The following PROZ variants were observed in gnomAD, a reference collection of about 807,000 sequenced individuals.
PROZ encodes the protein vitamin K-dependent protein Z.
In PROZ, 46 loss-of-function variants were observed where a neutral mutation model predicts 34.9. The observed-to-expected ratio is 1.32, with a 90% CI of 1.04 to 1.69. The LOEUF is 1.69. Ranked by LOEUF, PROZ falls within the 40% of genes most tolerant of loss-of-function variation. The pLI, the probability that PROZ is intolerant of heterozygous loss-of-function variation, is 0.00. For missense variants in PROZ, 530 were observed against 520.4 expected (o/e 1.02, Z -0.18); for synonymous variants, 195 against 208.5 (o/e 0.94, Z 0.56).
intron 5 of PROZ, 48 bp from the exon 6 acceptor site, chr13:113,165,005 G>A (rs371189377): frequency 1.1e-5 from 17 of 1,567,176 alleles, no homozygotes; most frequent in East Asian, 6.7e-5. Context: ...TCCGATATTC[G>A]CTGAGAAGGC....
chr13:113,172,150 A>T lies in PROZ; in HGVS notation c.*45A>T. The T allele has an allele frequency of 6.2e-7, 1 of 1,603,674 alleles. No individual in the cohort carries two copies. The highest frequency in any genetic ancestry group is 8.5e-7 in the Non-Finnish European group (1 of 1,175,630). On this transcript the variant is annotated 3_prime_UTR_variant, in exon 8 of 8. Transcript: ENST00000375547. ...AATGAACAACACAACCGGAAGCGGG[A>T]TTCCAAGCTGGCACTGCCACTGTGG...
At position 113,159,872 on chromosome 13, in the gene PROZ, T is replaced by G. The variant is rs1595105611; in HGVS notation, c.71-142T>G. Reference sequence around the variant, plus strand: ...TACCTCGGGGGAGGGAGTAGCGGGGTGGCCCTGAGGCCCTCGCAGGCTGAG... The same window carrying G: ...TACCTCGGGGGAGGGAGTAGCGGGGGGGCCCTGAGGCCCTCGCAGGCTGAG... On this transcript the variant is annotated intron_variant, in intron 1 of 7. Coordinates refer to ENST00000375547, the MANE Select transcript of PROZ (RefSeq NM_003891.3). The surrounding 1 kb of genome is among the most constrained non-coding windows in gnomAD (Gnocchi z 4.6). 1.1e-6 allele frequency: 1 copy of G among 921,454 alleles called. No individual in the cohort carries two copies. 57.1% of individuals were successfully genotyped at this position (921,454 alleles called of 1,614,324 possible).
chr13:113,168,058 C>T (rs542459945), intron 6 of PROZ, among the ~76,000 whole-genome samples: 1 of 152,338 alleles, frequency 6.6e-6, no homozygotes, highest in African/African-American at 2.4e-5. Context: ...AATCATGCCC[C>T]ATTCCTCCCC....
rs910265034 is a variant in PROZ at position 113,172,276 on chromosome 13, C to T, written c.*171C>T. 5.9e-6 allele frequency: 5 copies of T among 850,214 alleles called. No individual in the cohort carries two copies. The highest frequency in any genetic ancestry group is 2.7e-5 in the East Asian group (1 of 37,668). 52.7% of individuals were successfully genotyped at this position (850,214 alleles called of 1,614,324 possible). A position where few individuals can be genotyped will look rare whatever the true frequency, so the allele number is the denominator to read the frequency against. On this transcript the variant is annotated 3_prime_UTR_variant, in exon 8 of 8. Transcript: ENST00000375547. The stretch of plus-strand genomic sequence containing the variant: ...AGCCGCCGTTTGCTGGGTTGTTTAC[C>T]GAGCACTGTGACCTTTCTTTCCCTG...
At position 113,171,893 on chromosome 13, in the gene PROZ, C is replaced by T; in HGVS notation, c.991C>T (p.Leu331=). ...GGAGGGGGAGGAGTGCGGGCAGGTCCTGAATGTGACTGTCACCACCAGGAC... is the reference window on the plus strand; with the variant it reads ...GGAGGGGGAGGAGTGCGGGCAGGTCTTGAATGTGACTGTCACCACCAGGAC... ...LVEGEECGQV[L]NVTVTTRTYC... is the part of the protein sequence containing the mutation. The change falls in exon 8 of 8, where the codon CTG becomes TTG. Residue 331 remains leucine (L), a synonymous_variant. Transcript: ENST00000375547. This position sits in a 1 kb window ranked among gnomAD's most constrained non-coding sequence, Gnocchi z 5.1. 6.2e-7 allele frequency: 1 copy of T among 1,613,740 alleles called. No individual in the cohort carries two copies. Among genetic ancestry groups the T allele is most frequent in the Non-Finnish European group, 8.5e-7 (1 of 1,180,044 alleles).
intron 4 of PROZ, 86 bp from the exon 5 acceptor site, chr13:113,164,427 T>C (rs1400946139): frequency 2.0e-6 from 3 of 1,476,394 alleles, no homozygotes; most frequent in Middle Eastern, 1.7e-4. Context: ...AAAATGAACA[T>C]GGACCAACAC....
intron 7 of PROZ, among the ~76,000 whole-genome samples, chr13:113,170,767 T>C (rs975583953): frequency 1.1e-4 from 17 of 152,022 alleles, no homozygotes; most frequent in African/African-American, 4.1e-4. Flanking sequence ...AATCACAGCC[T>C]ACATAAGGAT....
At chr13:113,162,944 AC>A in intron 3 of PROZ, 64 bp from the exon 4 acceptor site, 1 of 435,150 alleles carries the variant, frequency 2.3e-6, no homozygotes, top group Non-Finnish European at 3.7e-6. Flanking sequence ...CACCACCCCC[AC>A]CCTCCTCCTG....
chr13:113,158,654 G>C lies in PROZ; in HGVS notation c.-7G>C. 1 of 1,601,078 alleles carries C rather than the reference G, an allele frequency of 6.2e-7. No homozygotes were observed. Among genetic ancestry groups the C allele is most frequent in the Non-Finnish European group, 8.5e-7 (1 of 1,174,756 alleles). On this transcript the variant is annotated 5_prime_UTR_variant, in exon 1 of 8. Transcript: ENST00000375547. This position sits in a 1 kb window ranked among gnomAD's most constrained non-coding sequence, Gnocchi z 4.3. ...TTTGTAGCCCTGTCCCAGCGCTCCGGGTGGGAATGGCAGGCTGCGTCCCAC... is the reference window on the plus strand; with the variant it reads ...TTTGTAGCCCTGTCCCAGCGCTCCGCGTGGGAATGGCAGGCTGCGTCCCAC...
intron 6 of PROZ, among the ~76,000 whole-genome samples, 189 bp from the exon 7 acceptor site, chr13:113,170,224 C>G (rs1052593169): frequency 6.9e-6 from 1 of 144,880 alleles, no homozygotes; most frequent in Admixed American, 7.6e-5. Flanking sequence ...AAAGCTTAGA[C>G]TGTCAACAAT....
chr13:113,171,135 G>A lies in PROZ; in HGVS notation c.692-459G>A, dbSNP rs1424544683. On this transcript the variant is annotated intron_variant, in intron 7 of 7. Transcript: ENST00000375547. This position sits in a 1 kb window ranked among gnomAD's most constrained non-coding sequence, Gnocchi z 5.1. ...AATGGGGTTTTGCTATGTTGGAAAA[G>A]CTGGTCTTTACTCCTGGCCTTAAGT... Among the ~76,000 whole-genome samples, 1 of 152,172 alleles carries A rather than the reference G, an allele frequency of 6.6e-6. No individual in the cohort carries two copies. The highest frequency in any genetic ancestry group is 1.5e-5 in the Non-Finnish European group (1 of 68,022).
chr13:113,163,818 G>T (rs1190605285), intron 4 of PROZ, among the ~76,000 whole-genome samples: 2 of 151,366 alleles, frequency 1.3e-5, no homozygotes, highest in African/African-American at 2.4e-5. Context: ...CACCACCGAT[G>T]TCACACTAAC....
At chr13:113,163,154 G>A in intron 4 of PROZ, 32 bp downstream of exon 4, 1 of 1,492,524 alleles carries the variant, frequency 6.7e-7, no homozygotes, top group Non-Finnish European at 9.1e-7. Flanking sequence ...TCCCCCAAGG[G>A]CCTCCCTGGG....
Position 113,160,948 on chromosome 13 carries a change from G to A in PROZ, c.235G>A (p.Asp79Asn). 1 of 1,603,390 alleles carries A rather than the reference G, an allele frequency of 6.2e-7. No homozygotes were observed. Among genetic ancestry groups the A allele is most frequent in the Non-Finnish European group, 8.5e-7 (1 of 1,170,724 alleles). Reference protein sequence around the residue: ...REVFENEVVTDEFWRRYKGGS... With the variant: ...REVFENEVVTNEFWRRYKGGS... ...ACATTTTTATGTTTTAACTCTAAAGGATGAATTCTGGAGACGATATAAGGG... is the reference window on the plus strand; with the variant it reads ...ACATTTTTATGTTTTAACTCTAAAGAATGAATTCTGGAGACGATATAAGGG... The change falls in exon 3 of 8, where the codon GAT becomes AAT. Residue 79 changes from aspartate to asparagine, a missense_variant and splice_region_variant. Transcript: ENST00000375547.
rs3024718 is a variant in PROZ, at chr13:113,159,539, A to G, written c.71-475A>G. On this transcript the variant is annotated intron_variant, in intron 1 of 7. Transcript: ENST00000375547. The surrounding 1 kb of genome is among the most constrained non-coding windows in gnomAD (Gnocchi z 4.6). Reference sequence around the variant, plus strand: ...AGAGACCACTGCCGCGGGTCAACTCATTTGCCTTCTCCTCCTGGAAATCGC... The same window carrying G: ...AGAGACCACTGCCGCGGGTCAACTCGTTTGCCTTCTCCTCCTGGAAATCGC... 0.18 allele frequency among the ~76,000 whole-genome samples: 26,770 copies of G among 152,048 alleles called. 2,648 individuals are homozygous for G. Among genetic ancestry groups the G allele is most frequent in the South Asian group, 0.4 (1,947 of 4,816 alleles).
At chr13:113,163,245 G>A (rs570432341) in intron 4 of PROZ, 123 bp downstream of exon 4, 14 of 828,134 alleles carry the variant, frequency 1.7e-5, no homozygotes, top group South Asian at 4.4e-5. Context: ...TGTGAACCGC[G>A]ATTTGGCTCA....
At chr13:113,160,892 A>G in intron 2 of PROZ, 56 bp from the exon 3 acceptor site, 1 of 1,447,350 alleles carries the variant, frequency 6.9e-7, no homozygotes, top group Non-Finnish European at 9.7e-7. Flanking sequence ...TCTACAGGAA[A>G]GAATATAGAA....
At chr13:113,161,831 C>A (rs545368216) in intron 3 of PROZ, among the ~76,000 whole-genome samples, 121 of 115,898 alleles carry the variant, frequency 1.0e-3, no homozygotes, top group Admixed American at 2.2e-3. Context: ...AGGTCCCCGT[C>A]CCTGCCACGT....
chr13:113,171,564 TA>T lies in PROZ; in HGVS notation c.692-27del, dbSNP rs771505805. The T allele has an allele frequency of 6.2e-7, 1 of 1,613,632 alleles. No individual in the cohort carries two copies. Among genetic ancestry groups the T allele is most frequent in the South Asian group, 1.1e-5 (1 of 91,062 alleles). On this transcript the variant is annotated intron_variant, in intron 7 of 7. Transcript: ENST00000375547. This position sits in a 1 kb window ranked among gnomAD's most constrained non-coding sequence, Gnocchi z 5.1. ...TTATGTCCCCTTGAAAATCAGACTG[TA>T]AAGAACTGACGATTGTTCATGATTT...
Sources: gnomAD v4.1 joint callset for allele counts (sites outside exome capture counted in the v4.1 genomes callset) on GRCh38, gnomAD v4.1.1 for gene constraint, Gnocchi (gnomAD v3.1) non-coding constraint, MANE v1.5 for transcripts, NCBI Gene and HGNC (gene_info 2026-07-23, HGNC 2026-07-21) for gene names.